The following TLE3 variants were observed in gnomAD, a reference collection of about 807,000 sequenced individuals.
TLE3 encodes the protein TLE family member 3, transcriptional corepressor.
Under a neutral mutation model 93.0 loss-of-function variants are expected in TLE3, and 14 were observed. That is an observed-to-expected ratio of 0.15 (90% confidence interval 0.10 to 0.24). The LOEUF (loss-of-function observed/expected upper bound fraction) is 0.24. TLE3 is among the 10% of genes least tolerant of loss of function. The probability of loss-of-function intolerance (pLI) is 1.00; values close to 1 mark genes in which losing one functional copy is unlikely to be tolerated. For missense variants in TLE3, 693 were observed against 1,046.6 expected (o/e 0.66, Z 4.66); for synonymous variants, 451 against 425.0 (o/e 1.06, Z -0.75).
intron 8 of TLE3, among the ~76,000 whole-genome samples, chr15:70,061,511 G>A (rs770418221): frequency 9.2e-5 from 14 of 152,148 alleles, no homozygotes; most frequent in Middle Eastern, 3.2e-3. Flanking sequence ...GGAAGATGAC[G>A]GAGTAGTCCT....
chr15:70,060,499 C>A, intron 9 of TLE3, 31 bp downstream of exon 9: 1 of 1,612,450 alleles, frequency 6.2e-7, no homozygotes, highest in Non-Finnish European at 8.5e-7. Flanking sequence ...CCAACAGAAA[C>A]CCCAGTGGTG....
Position 70,095,827 on chromosome 15 carries a change from A to C in TLE3, c.126-186T>G, listed in dbSNP as rs948160648. 1.6e-5 allele frequency: 11 copies of C among 707,578 alleles called. No individual in the cohort carries two copies. In the South Asian group the frequency reaches 2.1e-4, roughly 14 times the overall value. 43.8% of individuals were successfully genotyped at this position (707,578 alleles called of 1,614,324 possible). A position where few individuals can be genotyped will look rare whatever the true frequency, so the allele number is the denominator to read the frequency against. On this transcript the variant is annotated intron_variant, in intron 2 of 19. Transcript: ENST00000451782. ...CGCCGTGGGGAGGGGGATGTGAAACAATTCGAAACTTCCCGCGAGCCAAAG... is the reference window on the plus strand; with the variant it reads ...CGCCGTGGGGAGGGGGATGTGAAACCATTCGAAACTTCCCGCGAGCCAAAG...
At chr15:70,080,485 G>T (rs1285882578) in intron 4 of TLE3, among the ~76,000 whole-genome samples, 4 of 152,172 alleles carry the variant, frequency 2.6e-5, no homozygotes, top group African/African-American at 9.7e-5. Context: ...GGGGACAGAG[G>T]TCCTGCTACA....
chr15:70,054,844 C>A, intron 15 of TLE3, 159 bp from the exon 16 acceptor site: 1 of 1,245,936 alleles, frequency 8.0e-7, no homozygotes. Flanking sequence ...AATTCACAAC[C>A]CTTTGATCTT....
At position 70,053,005 on chromosome 15, in the gene TLE3, C is replaced by G. The variant is rs2055686954; in HGVS notation, c.1974+222G>C. 6 of 538,848 alleles carry G rather than the reference C, an allele frequency of 1.1e-5. No individual in the cohort carries two copies. In the East Asian group the frequency reaches 1.8e-4, roughly 16 times the overall value. The allele number at this position is 538,848 out of a possible 1,614,324, so 33.4% of individuals were successfully genotyped here. A position where few individuals can be genotyped will look rare whatever the true frequency, so the allele number is the denominator to read the frequency against. ...TGCTCAATAGCAGCAGAGAATGAATCGAATTTCCACAGTTGGGCCAAATGT... is the reference window on the plus strand; with the variant it reads ...TGCTCAATAGCAGCAGAGAATGAATGGAATTTCCACAGTTGGGCCAAATGT... On this transcript the variant is annotated intron_variant, in intron 17 of 19. Transcript: ENST00000451782.
chr15:70,096,348 A>T, intron 1 of TLE3, 87 bp from the exon 2 acceptor site: 1 of 1,516,840 alleles, frequency 6.6e-7, no homozygotes, highest in Non-Finnish European at 8.8e-7. Flanking sequence ...AACGGCGCCC[A>T]ACCAAAAGAG....
intron 7 of TLE3, among the ~76,000 whole-genome samples, chr15:70,065,728 C>A (rs1273485865): frequency 9.2e-5 from 14 of 152,212 alleles, no homozygotes; most frequent in Non-Finnish European, 5.9e-5. Flanking sequence ...GGGGCTGGCC[C>A]CTGAAGGACA....
chr15:70,062,226 C>T (rs974099572), intron 8 of TLE3, among the ~76,000 whole-genome samples: 1 of 152,188 alleles, frequency 6.6e-6, no homozygotes, highest in East Asian at 1.9e-4. Context: ...GGAGCGGTGG[C>T]GATGCGCGCA....
chr15:70,072,663 C>T (rs2057245465), intron 6 of TLE3, among the ~76,000 whole-genome samples: 1 of 152,214 alleles, frequency 6.6e-6, no homozygotes, highest in African/African-American at 2.4e-5. Context: ...CACTTCCCCT[C>T]TCTGTAAAAC....
At chr15:70,060,894 T>G (rs1316000676) in intron 8 of TLE3, 4 of 519,378 alleles carry the variant, frequency 7.7e-6, no homozygotes, top group Non-Finnish European at 1.4e-5. Context: ...AGCTCTGCAC[T>G]GCTATTAAAT....
At position 70,094,573 on chromosome 15, in the gene TLE3, A is replaced by G. The variant is rs2058459576; in HGVS notation, c.193T>C (p.Tyr65His). Residue 65 changes from tyrosine (Y) to histidine (H), a missense_variant, in exon 4 of 20, where the codon TAT becomes CAT. By Grantham distance (83) the Tyr-to-His change is moderately conservative. Around this residue, in one of 4 missense-constraint regions of TLE3, gnomAD observed 104 missense variants for 173.8 expected, o/e 0.60. Coordinates refer to ENST00000451782, the MANE Select transcript of TLE3 (RefSeq NM_001105192.3). Reference protein sequence around the residue: ...TEMQRHYVMYYEMSYGLNIEM... With the variant: ...TEMQRHYVMYHEMSYGLNIEM... ...ATGTTCAAGCCATAGGACATCTCAT[A>G]GTACTAAAAGTAAAAAGAATGGCTA... The G allele has an allele frequency of 6.4e-7, 1 of 1,551,996 alleles. No homozygotes were observed. The highest frequency in any genetic ancestry group is 8.7e-7 in the Non-Finnish European group (1 of 1,148,578).
chr15:70,096,958 C>T lies in TLE3; in HGVS notation c.-160G>A. 1 of 844,242 alleles carries T rather than the reference C, an allele frequency of 1.2e-6. No individual in the cohort carries two copies. Among genetic ancestry groups the T allele is most frequent in the Non-Finnish European group, 1.9e-6 (1 of 531,322 alleles). The allele number at this position is 844,242 out of a possible 1,614,324, so 52.3% of individuals were successfully genotyped here. Reference sequence around the variant, plus strand: ...CGTTCTCGCAGCGAAATCCCAGAGTCGGGCGCCCGCCCCAAGTGGAGACAA... The same window carrying T: ...CGTTCTCGCAGCGAAATCCCAGAGTTGGGCGCCCGCCCCAAGTGGAGACAA... On this transcript the variant is annotated 5_prime_UTR_variant, in exon 1 of 20. Transcript: ENST00000451782.
In TLE3 at chr15:70,054,702, C is replaced by G; in HGVS notation, c.1579-17G>C. 1 of 1,564,294 alleles carries G rather than the reference C, an allele frequency of 6.4e-7. No individual in the cohort carries two copies. Among genetic ancestry groups the G allele is most frequent in the Non-Finnish European group, 8.7e-7 (1 of 1,151,500 alleles). ...GTCCCTGTTCTGGAGGGAGAAGGGG[C>G]AGGGCTGAGTGCTGCCTACTTCCCC... On this transcript the variant is annotated splice_polypyrimidine_tract_variant and intron_variant, in intron 15 of 19. Transcript: ENST00000451782.
chr15:70,095,556 C>G, intron 3 of TLE3, 22 bp downstream of exon 3: 2 of 1,549,826 alleles, frequency 1.3e-6, no homozygotes, highest in Non-Finnish European at 1.7e-6. Context: ...AACCGCCCCC[C>G]AGGCCCGCGG....
intron 4 of TLE3, among the ~76,000 whole-genome samples, chr15:70,086,515 G>A (rs115676418): frequency 6.6e-6 from 1 of 152,156 alleles, no homozygotes; most frequent in African/African-American, 2.4e-5. Flanking sequence ...GCCCTCTCCT[G>A]TACCCAAATT....
intron 19 of TLE3, chr15:70,050,446 A>T: frequency 2.3e-6 from 1 of 437,654 alleles, no homozygotes; most frequent in Non-Finnish European, 4.2e-6. Context: ...TTCCATAAGG[A>T]AAAGCTCAGT....
Position 70,053,612 on chromosome 15 carries a change from GGA to G in TLE3, c.1827-240_1827-239del. The G allele has an allele frequency of 1.7e-5, 7 of 400,330 alleles. No individual in the cohort carries two copies. In the East Asian group the frequency reaches 2.1e-4, roughly 12 times the overall value. The allele number at this position is 400,330 out of a possible 1,614,324, so 24.8% of individuals were successfully genotyped here. A position where few individuals can be genotyped will look rare whatever the true frequency, so the allele number is the denominator to read the frequency against. ...ACAAGTCCCCTGGGAAATGGGGGGG[GGA>G]GGTGAAAAAGGGACCTTGCACTAGC... On this transcript the variant is annotated intron_variant, in intron 16 of 19. Transcript: ENST00000451782.
In TLE3 at chr15:70,053,287, C is replaced by T. The variant is rs1057865; in HGVS notation, c.1914G>A (p.Thr638=). The T allele has an allele frequency of 0.44, 703,589 of 1,605,754 alleles. 157,550 individuals carry two copies. The highest frequency in any genetic ancestry group is 0.59 in the Middle Eastern group (3,575 of 6,036). Residue 638 remains threonine, a synonymous_variant, in exon 17 of 20, where the codon ACG becomes ACA. Transcript: ENST00000451782. ...CCTCCCGCAGGTCCCAGGAGCGCAC[C>T]GTGTTGTCCAGGCCCCCTGTCCACA... The part of the protein sequence containing the change: ...TKLWTGGLDN[T]VRSWDLREGR...
At chr15:70,064,398 C>T in intron 8 of TLE3, 56 bp downstream of exon 8, 1 of 1,608,722 alleles carries the variant, frequency 6.2e-7, no homozygotes, top group Non-Finnish European at 8.5e-7. Context: ...AGCCCCGAGT[C>T]CCACCTCCTC....
Sources: gnomAD v4.1 joint callset for allele counts (sites outside exome capture counted in the v4.1 genomes callset) on GRCh38, gnomAD v4.1.1 for gene constraint, gnomAD v4.1.1 regional missense constraint, MANE v1.5 for transcripts, NCBI Gene and HGNC (gene_info 2026-07-23, HGNC 2026-07-21) for gene names.